The following DSCAM variants were observed in gnomAD, a reference collection of about 807,000 sequenced individuals.
DSCAM encodes cell adhesion molecule DSCAM.
Under a neutral mutation model 217.7 loss-of-function variants are expected in DSCAM, and 47 were observed. That is an observed-to-expected ratio of 0.22 (90% CI 0.17 to 0.28). DSCAM has a LOEUF of 0.28. Among genes scored for constraint, DSCAM ranks in the 10% least tolerant of loss-of-function variants. The pLI is 1.00. For synonymous variants in DSCAM, 1,056 were observed against 1,015.3 expected (o/e 1.04, Z -0.76); for missense variants, 2,080 against 2,618.3 (o/e 0.79, Z 4.49).
intron 2 of DSCAM, among the ~76,000 whole-genome samples, chr21:40,693,459 T>C (rs1389467770): frequency 6.6e-6 from 1 of 151,890 alleles, no homozygotes. Context: ...CAGAGTATAA[T>C]CGAAAATAGT....
chr21:40,696,171 G>A (rs983921491), intron 2 of DSCAM, among the ~76,000 whole-genome samples: 2 of 152,112 alleles, frequency 1.3e-5, no homozygotes, highest in Non-Finnish European at 2.9e-5. Context: ...GGTGTCATAA[G>A]TTAGGCTCTC....
chr21:40,082,405 A>G (rs1450392134), intron 24 of DSCAM, among the ~76,000 whole-genome samples: 1 of 152,224 alleles, frequency 6.6e-6, no homozygotes, highest in East Asian at 1.9e-4. Context: ...GGTTGCAGTG[A>G]GCCGAGATCG....
At chr21:40,783,293 T>C (rs1408523333) in intron 1 of DSCAM, among the ~76,000 whole-genome samples, 1 of 152,230 alleles carries the variant, frequency 6.6e-6, no homozygotes, top group East Asian at 1.9e-4. Context: ...TCTTCAGTGT[T>C]GACCAGCACC....
intron 3 of DSCAM, among the ~76,000 whole-genome samples, chr21:40,677,213 T>TAA (rs11448713): frequency 4.4e-4 from 66 of 150,456 alleles, no homozygotes; most frequent in East Asian, 7.8e-4. Context: ...CATAGGAGGA[T>TAA]AAAAAAAAAT....
intron 3 of DSCAM, among the ~76,000 whole-genome samples, chr21:40,638,385 T>C (rs2089834868): frequency 6.6e-6 from 1 of 151,962 alleles, no homozygotes; most frequent in African/African-American, 2.4e-5. Flanking sequence ...GCATGGATTA[T>C]TTCTATCAAA....
intron 3 of DSCAM, among the ~76,000 whole-genome samples, chr21:40,391,318 CAT>C (rs1334674283): frequency 1.3e-5 from 2 of 152,168 alleles, no homozygotes; most frequent in East Asian, 1.9e-4. Flanking sequence ...TAAACACAAA[CAT>C]ATAGAAATCT....
chr21:40,058,560 C>T (rs1019366028), intron 28 of DSCAM, among the ~76,000 whole-genome samples: 1 of 152,122 alleles, frequency 6.6e-6, no homozygotes, highest in Non-Finnish European at 1.5e-5. Context: ...AGTAAATCCT[C>T]ACATTGATTT....
intron 1 of DSCAM, among the ~76,000 whole-genome samples, chr21:40,736,253 G>A (rs1015771830): frequency 6.6e-6 from 1 of 152,132 alleles, no homozygotes; most frequent in African/African-American, 2.4e-5. Context: ...CCACCCAGGA[G>A]CTCTCCTCTG....
chr21:40,017,720 T>G (rs755046590), intron 32 of DSCAM, among the ~76,000 whole-genome samples: 3 of 152,188 alleles, frequency 2.0e-5, no homozygotes, highest in Middle Eastern at 3.4e-3. Context: ...CCTGGCTAAT[T>G]TTTGTATTTT....
chr21:40,306,898 A>G (rs2074083413), intron 9 of DSCAM, among the ~76,000 whole-genome samples: 1 of 151,922 alleles, frequency 6.6e-6, no homozygotes, highest in South Asian at 2.1e-4. Flanking sequence ...TTGGTCTAAA[A>G]TTCTCTTTTT....
At position 40,013,219 on chromosome 21, in the gene DSCAM, A is replaced by C. The variant is rs985914558; in HGVS notation, c.5854T>G (p.Ser1952Ala). The C allele has an allele frequency of 3.1e-6, 5 of 1,613,536 alleles. No homozygotes were observed. Among genetic ancestry groups the C allele is most frequent in the Non-Finnish European group, 4.2e-6 (5 of 1,179,868 alleles). ...CCTTCTCTCGTGGAGGAGGCGGAGG[A>C]GGCGGCTTCCATCGGGATGGGCTCC... is the stretch of plus-strand genomic sequence containing the variant. ...VLEPIPMEAA[S>A]SASSTREGQS... The change falls in exon 33 of 33, where the codon TCC becomes GCC. Residue 1952 changes from serine (S) to alanine (A), a missense_variant. Transcript: ENST00000400454.
At chr21:40,257,064 G>C (rs2073382237) in intron 11 of DSCAM, among the ~76,000 whole-genome samples, 1 of 152,162 alleles carries the variant, frequency 6.6e-6, no homozygotes, top group Non-Finnish European at 1.5e-5. Flanking sequence ...TAAATACTAT[G>C]ATAGCAAATC....
chr21:40,321,127 G>A (rs779774822), intron 8 of DSCAM, among the ~76,000 whole-genome samples: 14 of 152,124 alleles, frequency 9.2e-5, no homozygotes, highest in African/African-American at 2.7e-4. Flanking sequence ...CTAATCATAC[G>A]CTAATGGAAC....
chr21:40,747,698 A>T (rs1235886053), intron 1 of DSCAM, among the ~76,000 whole-genome samples: 8 of 151,926 alleles, frequency 5.3e-5, no homozygotes, highest in Admixed American at 5.2e-4. Flanking sequence ...CAAGGAGGGA[A>T]CACTTCCAAA....
At chr21:40,020,528 TGTGAGA>T (rs2088245695) in intron 32 of DSCAM, among the ~76,000 whole-genome samples, 1 of 149,840 alleles carries the variant, frequency 6.7e-6, no homozygotes, top group African/African-American at 2.4e-5. Context: ...TGTGTGTGTG[TGTGAGA>T]GAGAGAGAGA....
chr21:40,701,158 ATTCAG>A (rs775901897), intron 2 of DSCAM, among the ~76,000 whole-genome samples: 41 of 152,196 alleles, frequency 2.7e-4, no homozygotes, highest in Non-Finnish European at 5.4e-4. Flanking sequence ...ATATAGGGCT[ATTCAG>A]TTTATCTGTT....
In DSCAM at chr21:40,016,805, A is replaced by T. The variant is rs1394104951; in HGVS notation, c.5687-3419T>A. On this transcript the variant is annotated intron_variant, in intron 32 of 32. Transcript: ENST00000400454. The surrounding 1 kb of genome is among the most constrained non-coding windows in gnomAD (Gnocchi z 4.3). ...TCAAGTTTACCCACAGAAAAAGAAC[A>T]ACCAGCATAACAGAAGGAAAGGACT... Among the ~76,000 whole-genome samples the T allele has an allele frequency of 6.6e-6, 1 of 152,212 alleles. No individual in the cohort carries two copies. Among genetic ancestry groups the T allele is most frequent in the Non-Finnish European group, 1.5e-5 (1 of 68,040 alleles).
At chr21:40,225,925 T>TA (rs1384773507) in intron 11 of DSCAM, among the ~76,000 whole-genome samples, 1 of 152,232 alleles carries the variant, frequency 6.6e-6, no homozygotes, top group African/African-American at 2.4e-5. Context: ...ACTACATTGA[T>TA]ATATTTTCAC....
At chr21:40,122,750 A>T (rs1258547248) in intron 20 of DSCAM, among the ~76,000 whole-genome samples, 1 of 152,194 alleles carries the variant, frequency 6.6e-6, no homozygotes, top group Admixed American at 6.5e-5. Context: ...TCAAGGGCAG[A>T]GTACTGCCAT....
Sources: gnomAD v4.1 joint callset for allele counts (sites outside exome capture counted in the v4.1 genomes callset) on GRCh38, gnomAD v4.1.1 for gene constraint, Gnocchi (gnomAD v3.1) non-coding constraint, MANE v1.5 for transcripts, NCBI Gene and HGNC (gene_info 2026-07-23, HGNC 2026-07-21) for gene names.